The following HPSE2 variants were observed in gnomAD, a reference collection of about 807,000 sequenced individuals.
HPSE2 encodes inactive heparanase-2.
HPSE2 carries 38 observed loss-of-function variants against 60.5 expected under a neutral mutation model. The observed-to-expected ratio is 0.63, with a 90% confidence interval of 0.48 to 0.82. HPSE2 has a LOEUF of 0.82. Ranked by LOEUF, HPSE2 falls within the 40% of genes least tolerant of loss-of-function variation. HPSE2 has a pLI of 0.00. For synonymous variants in HPSE2, 295 were observed against 293.2 expected, an observed-to-expected ratio of 1.01 and a Z score of -0.06; for missense variants, 713 against 740.4, an observed-to-expected ratio of 0.96 and a Z score of 0.43.
chr10:98,609,074 C>T (rs1036154280), intron 9 of HPSE2, among the ~76,000 whole-genome samples: 4 of 152,166 alleles, frequency 2.6e-5, no homozygotes, highest in Non-Finnish European at 4.4e-5. Flanking sequence ...GAAGCTCCTC[C>T]CCAGACCCCA....
chr10:98,564,320 AT>A (rs1446428288), intron 9 of HPSE2, among the ~76,000 whole-genome samples: 1 of 152,126 alleles, frequency 6.6e-6, no homozygotes, highest in Non-Finnish European at 1.5e-5. Context: ...TCTGTGACTC[AT>A]TTTCCTCATC....
intron 3 of HPSE2, among the ~76,000 whole-genome samples, chr10:98,883,709 C>A (rs967960413): frequency 1.3e-5 from 2 of 152,012 alleles, no homozygotes; most frequent in African/African-American, 2.4e-5. Context: ...GAGGCTGAGG[C>A]TGGAGGATTG....
At chr10:99,095,382 T>A (rs1275622099) in intron 3 of HPSE2, among the ~76,000 whole-genome samples, 1 of 152,200 alleles carries the variant, frequency 6.6e-6, no homozygotes, top group Non-Finnish European at 1.5e-5. Flanking sequence ...ATTTACCTGG[T>A]GACATTTTTA....
intron 3 of HPSE2, among the ~76,000 whole-genome samples, chr10:98,814,429 T>C (rs1175328863): frequency 6.6e-6 from 1 of 152,152 alleles, no homozygotes; most frequent in East Asian, 1.9e-4. Context: ...TAAATTTTTA[T>C]CAAATTTGGA....
At chr10:99,146,718 G>T (rs914269527) in intron 2 of HPSE2, among the ~76,000 whole-genome samples, 8 of 152,120 alleles carry the variant, frequency 5.3e-5, no homozygotes, top group Admixed American at 3.3e-4. Context: ...AAAATTAGCT[G>T]GGCGTGGTGG....
At chr10:98,557,739 A>T (rs1944053062) in intron 9 of HPSE2, among the ~76,000 whole-genome samples, 1 of 152,188 alleles carries the variant, frequency 6.6e-6, no homozygotes, top group South Asian at 2.1e-4. Flanking sequence ...TCATGAGGTC[A>T]AGAGATCGAG....
chr10:99,140,354 G>A (rs1294613561), intron 3 of HPSE2, among the ~76,000 whole-genome samples: 2 of 152,200 alleles, frequency 1.3e-5, no homozygotes, highest in South Asian at 4.1e-4. Context: ...ATATTAGAAA[G>A]TGTCTTGTGT....
intron 9 of HPSE2, among the ~76,000 whole-genome samples, chr10:98,611,471 C>CA (rs1945756841): frequency 6.6e-6 from 1 of 152,136 alleles, no homozygotes; most frequent in African/African-American, 2.4e-5. Context: ...TTTTGGGAGG[C>CA]AAAATGCAAC....
intron 11 of HPSE2, among the ~76,000 whole-genome samples, chr10:98,477,816 G>A (rs1018627789): frequency 6.6e-6 from 1 of 152,138 alleles, no homozygotes; most frequent in South Asian, 2.1e-4. Context: ...AAAGGTGAGT[G>A]GTGGGTGAGC....
At chr10:98,628,340 C>T (rs1946272637) in intron 7 of HPSE2, among the ~76,000 whole-genome samples, 1 of 152,072 alleles carries the variant, frequency 6.6e-6, no homozygotes, top group African/African-American at 2.4e-5. Context: ...GAACCAGCTG[C>T]AAAATTCCCT....
intron 3 of HPSE2, among the ~76,000 whole-genome samples, chr10:98,796,343 A>C (rs1950779228): frequency 6.6e-6 from 1 of 151,706 alleles, no homozygotes; most frequent in Admixed American, 6.6e-5. Flanking sequence ...ACAAGCAAAC[A>C]AAGAGCCCTT....
In HPSE2 at chr10:98,459,671, C is replaced by T. The variant is rs751015169; in HGVS notation, c.1682G>A (p.Arg561His). ...CAATGTCCGGCCGGCCCGAAGGGGG[C>T]GGGGCTTCAATTCTGGGAGGGTCCC... is the stretch of plus-strand genomic sequence containing the variant. ...DDGTLPELKP[R>H]PLRAGRTLVI... Residue 561 changes from arginine to histidine, a missense_variant, in exon 12 of 12, where the codon CGC (arginine) becomes CAC (histidine). Physicochemically the swap from Arg to His is conservative, Grantham distance 29. Transcript: ENST00000370552. 2.2e-5 allele frequency: 35 copies of T among 1,614,062 alleles called. No individual in the cohort carries two copies. The East Asian group carries it at 2.7e-4, about 12-fold the overall frequency.
At chr10:99,296,187 T>C in the HPSE2 span, among the ~76,000 whole-genome samples, 2 of 152,186 alleles carry the variant, frequency 1.3e-5, no homozygotes, top group African/African-American at 2.4e-5. Flanking sequence ...TAGCTTTCCA[T>C]GTAGGATGCA....
At position 98,589,641 on chromosome 10, in the gene HPSE2, C is replaced by T. The variant is rs529242269; in HGVS notation, c.1320+25263G>A. On this transcript the variant is annotated intron_variant, in intron 9 of 11. Coordinates refer to ENST00000370552, the MANE Select transcript of HPSE2 (RefSeq NM_021828.5). ...AGACAACCTTTGTCTCCCCTGTGAG[C>T]TTGTCCTTCGTTGGTCTACCTTCTC... 1.1e-4 allele frequency among the ~76,000 whole-genome samples: 17 copies of T among 152,346 alleles called. No individual in the cohort carries two copies. The South Asian group carries it at 3.5e-3, about 32-fold the overall frequency.
At chr10:99,166,910 A>T (rs1227265247) in intron 2 of HPSE2, among the ~76,000 whole-genome samples, 1 of 149,888 alleles carries the variant, frequency 6.7e-6, no homozygotes, top group African/African-American at 2.4e-5. Context: ...AGGGTCTTTC[A>T]CAGACCAAAA....
At chr10:99,225,024 A>G (rs375307833) in intron 2 of HPSE2, among the ~76,000 whole-genome samples, 1 of 152,090 alleles carries the variant, frequency 6.6e-6, no homozygotes, top group South Asian at 2.1e-4. Context: ...TTACTGGGAT[A>G]TAGTGAACTG....
intron 9 of HPSE2, among the ~76,000 whole-genome samples, chr10:98,586,050 C>T (rs1242751040): frequency 1.3e-5 from 2 of 151,454 alleles, no homozygotes; most frequent in African/African-American, 4.9e-5. Flanking sequence ...ATTATTATGG[C>T]ATAACATTGA....
At chr10:98,604,040 C>T (rs1405312527) in intron 9 of HPSE2, among the ~76,000 whole-genome samples, 2 of 152,152 alleles carry the variant, frequency 1.3e-5, no homozygotes, top group Non-Finnish European at 2.9e-5. Context: ...TACCTTACCA[C>T]CGTATTACTA....
At chr10:98,946,302 T>A (rs749600374) in intron 3 of HPSE2, among the ~76,000 whole-genome samples, 3 of 151,738 alleles carry the variant, frequency 2.0e-5, no homozygotes, top group Admixed American at 2.0e-4. Context: ...AGACCCCACC[T>A]CTATTAAATA....
Sources: gnomAD v4.1 joint callset for allele counts (sites outside exome capture counted in the v4.1 genomes callset) on GRCh38, gnomAD v4.1.1 for gene constraint, MANE v1.5 for transcripts, NCBI Gene and HGNC (gene_info 2026-07-23, HGNC 2026-07-21) for gene names.